Variants in MSRA observed in about 807,000 individuals in gnomAD.
MSRA encodes methionine sulfoxide reductase A, also known as mitochondrial peptide methionine sulfoxide reductase.
Under a neutral mutation model 31.3 loss-of-function variants are expected in MSRA, and 54 were observed. The ratio of observed to expected loss-of-function variants is 1.73; its 90% CI spans 1.39 to 2.17. The LOEUF (loss-of-function observed/expected upper bound fraction) is 2.17, where lower values mean the gene tolerates loss of function less well. MSRA is among the 30% of genes most tolerant of loss of function. MSRA has a pLI of 0.00. For missense variants in MSRA, 507 were observed against 300.9 expected, an observed-to-expected ratio of 1.69 and a Z score of -5.07; for synonymous variants, 169 against 116.5, an observed-to-expected ratio of 1.45 and a Z score of -2.90.
chr8:10,205,564 A>G (rs1040950155), intron 1 of MSRA, among the ~76,000 whole-genome samples: 2 of 152,188 alleles, frequency 1.3e-5, no homozygotes, highest in Non-Finnish European at 1.5e-5. Flanking sequence ...CAGCTGGGCC[A>G]TCGACAGACC....
At chr8:10,059,481 C>G (rs913281669) in intron 1 of MSRA, among the ~76,000 whole-genome samples, 1 of 152,278 alleles carries the variant, frequency 6.6e-6, no homozygotes, top group East Asian at 1.9e-4. Context: ...GCCTTAACTC[C>G]TATACTCTTT....
At chr8:10,220,090 T>G (rs1329008865) in intron 2 of MSRA, among the ~76,000 whole-genome samples, 1 of 152,194 alleles carries the variant, frequency 6.6e-6, no homozygotes, top group East Asian at 1.9e-4. Flanking sequence ...CTGTGAACTT[T>G]CCCTACATTC....
chr8:10,288,966 T>C (rs1428103987), intron 3 of MSRA, among the ~76,000 whole-genome samples: 2 of 148,920 alleles, frequency 1.3e-5, no homozygotes, highest in East Asian at 2.0e-4. Flanking sequence ...TGAGCTTCAA[T>C]AGGAGTGCCA....
At chr8:10,081,518 C>G (rs962662176) in intron 1 of MSRA, among the ~76,000 whole-genome samples, 43 of 152,128 alleles carry the variant, frequency 2.8e-4, no homozygotes, top group African/African-American at 1.0e-3. Flanking sequence ...GAGTTGGAGT[C>G]TTACTCTGTC....
intron 5 of MSRA, among the ~76,000 whole-genome samples, chr8:10,407,579 C>A (rs1193805315): frequency 6.6e-6 from 1 of 152,148 alleles, no homozygotes; most frequent in Non-Finnish European, 1.5e-5. Context: ...AGAGAGGGGA[C>A]AGCGAAGACC....
chr8:10,380,421 T>G (rs1035263806), intron 5 of MSRA, among the ~76,000 whole-genome samples: 39 of 152,190 alleles, frequency 2.6e-4, no homozygotes, highest in African/African-American at 9.2e-4. Flanking sequence ...GCTCATCGTT[T>G]TTGAGAGCAT....
At chr8:10,064,702 T>A (rs368295819) in intron 1 of MSRA, among the ~76,000 whole-genome samples, 2 of 152,212 alleles carry the variant, frequency 1.3e-5, no homozygotes, top group South Asian at 2.1e-4. Flanking sequence ...TTTCGTATTT[T>A]ACCTTTGATT....
intron 1 of MSRA, among the ~76,000 whole-genome samples, chr8:10,161,606 G>A (rs186671596): frequency 6.6e-6 from 1 of 152,300 alleles, no homozygotes; most frequent in East Asian, 1.9e-4. Flanking sequence ...TCAACAAATG[G>A]TGATACTGAA....
chr8:10,089,112 A>G lies in MSRA; in HGVS notation c.142+34454A>G, dbSNP rs185596762. 1.4e-3 allele frequency among the ~76,000 whole-genome samples: 215 copies of G among 148,406 alleles called. 1 individual carries two copies. The Middle Eastern group carries it at 0.017, about 12-fold the overall frequency. The stretch of plus-strand genomic sequence containing the variant: ...AAATTGTATTAGGGATTTTTGTTAA[A>G]TAAGTAAATTTTAGCTGCTTTTGTC... On this transcript the variant is annotated intron_variant, in intron 1 of 5. Coordinates refer to ENST00000317173, the MANE Select transcript of MSRA (RefSeq NM_012331.5).
intron 2 of MSRA, among the ~76,000 whole-genome samples, chr8:10,233,239 G>A (rs909202458): frequency 3.3e-5 from 5 of 152,188 alleles, no homozygotes; most frequent in Non-Finnish European, 7.3e-5. Flanking sequence ...CCTTCGTGTA[G>A]GTACAACTTG....
intron 5 of MSRA, among the ~76,000 whole-genome samples, chr8:10,400,616 G>A (rs918303614): frequency 2.6e-4 from 39 of 152,182 alleles, no homozygotes; most frequent in African/African-American, 8.7e-4. Context: ...AGGGCATGGA[G>A]GCTGTTAGCC....
At position 10,114,594 on chromosome 8, in the gene MSRA, T is replaced by G. The variant is rs118156151; in HGVS notation, c.142+59936T>G. On this transcript the variant is annotated intron_variant, in intron 1 of 5. Coordinates refer to ENST00000317173, the MANE Select transcript of MSRA (RefSeq NM_012331.5). ...GTGCATATTGAAGATGCACTTAGATTGATCCACAGTTGGGATTTTGCTAGA... is the reference window on the plus strand; with the variant it reads ...GTGCATATTGAAGATGCACTTAGATGGATCCACAGTTGGGATTTTGCTAGA... 5.3e-3 allele frequency among the ~76,000 whole-genome samples: 802 copies of G among 152,308 alleles called. 3 individuals carry two copies. The highest frequency in any genetic ancestry group is 6.9e-3 in the Non-Finnish European group (470 of 68,020).
intron 2 of MSRA, among the ~76,000 whole-genome samples, chr8:10,234,958 A>G (rs1455700634): frequency 1.3e-5 from 2 of 152,144 alleles, no homozygotes; most frequent in Non-Finnish European, 2.9e-5. Context: ...GAAATCAAAA[A>G]ATTCACAATC....
intron 1 of MSRA, among the ~76,000 whole-genome samples, chr8:10,128,236 A>C (rs1009586895): frequency 6.6e-6 from 1 of 152,086 alleles, no homozygotes; most frequent in Admixed American, 6.5e-5. Flanking sequence ...AACATTAGCC[A>C]GGCGTGGTGG....
chr8:10,110,204 A>T (rs1800180082), intron 1 of MSRA, among the ~76,000 whole-genome samples: 1 of 152,190 alleles, frequency 6.6e-6, no homozygotes, highest in Non-Finnish European at 1.5e-5. Flanking sequence ...TATCTTTGTG[A>T]AGCTGGGTTT....
chr8:10,190,155 G>T (rs1443583928), intron 1 of MSRA, among the ~76,000 whole-genome samples: 1 of 152,142 alleles, frequency 6.6e-6, no homozygotes, highest in Non-Finnish European at 1.5e-5. Context: ...CGCTTTGGGG[G>T]AGGGGGGTCA....
intron 3 of MSRA, among the ~76,000 whole-genome samples, chr8:10,275,391 G>C (rs1374209036): frequency 6.6e-6 from 1 of 152,186 alleles, no homozygotes; most frequent in Non-Finnish European, 1.5e-5. Flanking sequence ...TTGTGTAAGG[G>C]TTCACAGTAT....
chr8:10,063,055 A>C (rs1454375938), intron 1 of MSRA, among the ~76,000 whole-genome samples: 5 of 152,176 alleles, frequency 3.3e-5, no homozygotes, highest in African/African-American at 1.2e-4. Flanking sequence ...TCTGTTTCCA[A>C]ATACGAGATG....
At position 10,281,065 on chromosome 8, in the gene MSRA, G is replaced by C. The variant is rs1799597107; in HGVS notation, c.332-20469G>C. ...AGTCTCTTTTTGGAGTGATAAAAATGTTTTAAAATTGATTGTGGTAATGAT... is the reference window on the plus strand; with the variant it reads ...AGTCTCTTTTTGGAGTGATAAAAATCTTTTAAAATTGATTGTGGTAATGAT... On this transcript the variant is annotated intron_variant, in intron 3 of 5. Coordinates refer to ENST00000317173, the MANE Select transcript of MSRA (RefSeq NM_012331.5). Among the ~76,000 whole-genome samples, 4 of 152,132 alleles carry C rather than the reference G, an allele frequency of 2.6e-5. No individual in the cohort carries two copies. In the South Asian group the frequency reaches 6.2e-4, roughly 24 times the overall value.
Sources: gnomAD v4.1 joint callset for allele counts (sites outside exome capture counted in the v4.1 genomes callset) on GRCh38, gnomAD v4.1.1 for gene constraint, MANE v1.5 for transcripts, NCBI Gene and HGNC (gene_info 2026-07-23, HGNC 2026-07-21) for gene names.